Variants in SRCIN1 observed in about 807,000 individuals in gnomAD.
SRCIN1 encodes the protein P130Cas-associated protein.
In SRCIN1, 50 loss-of-function variants were observed where a neutral mutation model predicts 116.2. That is an observed-to-expected ratio of 0.43 (90% CI 0.34 to 0.54). The LOEUF (loss-of-function observed/expected upper bound fraction) is 0.54, where lower values mean the gene tolerates loss of function less well. SRCIN1 is among the 20% of genes least tolerant of loss of function. SRCIN1 has a pLI of 0.02. For missense variants in SRCIN1, 1,446 were observed against 1,672.0 expected (o/e 0.86, Z 2.36); for synonymous variants, 736 against 750.0 (o/e 0.98, Z 0.30).
At chr17:38,557,089 G>A (rs939494124) in intron 11 of SRCIN1, among the ~76,000 whole-genome samples, 3 of 152,146 alleles carry the variant, frequency 2.0e-5, no homozygotes, top group Admixed American at 2.0e-4. Context: ...GTGATGGGGT[G>A]GCCCCTTACC....
At chr17:38,590,084 A>G (rs1488800475) in intron 1 of SRCIN1, among the ~76,000 whole-genome samples, 1 of 152,186 alleles carries the variant, frequency 6.6e-6, no homozygotes, top group African/African-American at 2.4e-5. Context: ...ACAGGCTTCA[A>G]GGCAAGGAAA....
rs781531995 is a variant in SRCIN1, at chr17:38,564,282, T to A, written c.377A>T (p.Gln126Leu). Residue 126 changes from glutamine to leucine, a missense_variant, in exon 4 of 19, where the codon CAG becomes CTG. Around this residue, in one of 5 missense-constraint regions of SRCIN1, gnomAD observed 246 missense variants for 265.1 expected, o/e 0.93. Coordinates refer to ENST00000617146, the MANE Select transcript of SRCIN1 (RefSeq NM_025248.3). The part of the protein sequence containing the change: ...TRSSRHTQGA[Q>L]PGLADQAAKL... ...TGCCGCCTGGTCTGCCAGCCCGGGC[T>A]GGGCTCCCTGAGTGTGGCGTGAGCT... The A allele has an allele frequency of 6.4e-7, 1 of 1,569,262 alleles. No homozygotes were observed.
chr17:38,564,406 TGCCA>T, intron 3 of SRCIN1, 93 bp from the exon 4 acceptor site: 1 of 1,337,102 alleles, frequency 7.5e-7, no homozygotes, highest in Middle Eastern at 2.6e-4. Context: ...GGGAAGGTCC[TGCCA>T]GCCAGCGACA....
intron 18 of SRCIN1, among the ~76,000 whole-genome samples, chr17:38,535,532 C>T (rs923410156): frequency 1.3e-5 from 2 of 152,146 alleles, no homozygotes; most frequent in African/African-American, 4.8e-5. Flanking sequence ...AACCCCTCTC[C>T]TCTGCTCATC....
intron 14 of SRCIN1, 23 bp downstream of exon 14, chr17:38,551,863 C>A (rs1464198175): frequency 1.2e-6 from 2 of 1,612,940 alleles, no homozygotes; most frequent in African/African-American, 1.3e-5. Flanking sequence ...CATGGCCCCA[C>A]CCACAATCCC....
chr17:38,560,097 G>C lies in SRCIN1; in HGVS notation c.1794C>G (p.Ser598Arg). 3 of 1,549,994 alleles carry C rather than the reference G, an allele frequency of 1.9e-6. No homozygotes were observed. Among genetic ancestry groups the C allele is most frequent in the South Asian group, 1.2e-5 (1 of 83,454 alleles). Residue 598 changes from serine (S) to arginine (R), a missense_variant and splice_region_variant, in exon 9 of 19, where the codon AGC becomes AGG. Physicochemically the swap from Ser to Arg is moderately radical, Grantham distance 110 (BLOSUM62 -1). Transcript: ENST00000617146. ...CTCCATTGGAGCCTTCAATCTTCTC[G>C]CTGTGGCACAGGGAAAAAAGCCATC... ...LLRGSEPETPSEKIEGSNGAA... is the reference protein window; with the variant it reads ...LLRGSEPETPREKIEGSNGAA...
At chr17:38,586,995 G>A (rs1908149308) in intron 1 of SRCIN1, among the ~76,000 whole-genome samples, 1 of 151,808 alleles carries the variant, frequency 6.6e-6, no homozygotes, top group Non-Finnish European at 1.5e-5. Flanking sequence ...CCTGCGGGTG[G>A]GCACCCGGGG....
chr17:38,549,252 T>A (rs765108007), intron 15 of SRCIN1, 42 bp from the exon 16 acceptor site: 6 of 1,484,204 alleles, frequency 4.0e-6, no homozygotes, highest in Admixed American at 4.6e-5. Flanking sequence ...GCCTGCAACC[T>A]TGGAGTCAGT....
chr17:38,551,058 T>A (rs1249341323), intron 15 of SRCIN1, 97 bp downstream of exon 15: 3 of 596,974 alleles, frequency 5.0e-6, no homozygotes, highest in East Asian at 2.8e-5. Flanking sequence ...CCAACCACAA[T>A]GATCTTGAGA....
At position 38,543,883 on chromosome 17, in the gene SRCIN1, G is replaced by C. The variant is rs191910661; in HGVS notation, c.3357C>G (p.Pro1119=). 3.3e-5 allele frequency: 53 copies of C among 1,607,446 alleles called. 1 individual carries two copies. In the Middle Eastern group the frequency reaches 6.6e-4, roughly 20 times the overall value. The change falls in exon 18 of 19, where the codon CCC becomes CCG. Residue 1119 remains proline (P), a synonymous_variant. Coordinates refer to ENST00000617146, the MANE Select transcript of SRCIN1 (RefSeq NM_025248.3). ...TCTGCTTGCCATGTTTGCTTTTGTC[G>C]GGGCTGCCCGCCTGGCCCTGGGCCG... ...LKAAQGQAGS[P]DKSKHGKQRA... is the part of the protein sequence containing the mutation.
At chr17:38,548,783 C>T (rs1567855738) in intron 16 of SRCIN1, 74 bp from the exon 17 acceptor site, 21 of 1,455,520 alleles carry the variant, frequency 1.4e-5, no homozygotes, top group South Asian at 1.1e-4. Flanking sequence ...CAGGCCCCAT[C>T]GCCCATGTAC....
intron 18 of SRCIN1, among the ~76,000 whole-genome samples, chr17:38,540,714 C>T (rs901826147): frequency 1.3e-5 from 2 of 150,720 alleles, no homozygotes; most frequent in African/African-American, 2.5e-5. Context: ...TGCCAGGGGC[C>T]GGGGCAGGGA....
intron 3 of SRCIN1, among the ~76,000 whole-genome samples, chr17:38,565,497 T>C (rs1299580419): frequency 6.6e-6 from 1 of 152,216 alleles, no homozygotes; most frequent in Admixed American, 6.5e-5. Flanking sequence ...AGTTTTCTTT[T>C]TTCACTTTAT....
At chr17:38,577,319 C>T (rs955358521) in intron 2 of SRCIN1, among the ~76,000 whole-genome samples, 6 of 152,306 alleles carry the variant, frequency 3.9e-5, no homozygotes, top group Non-Finnish European at 8.8e-5. Context: ...TTGAGGGTGA[C>T]GGCAACATCT....
rs747049406 is a variant in SRCIN1, at chr17:38,563,441, C to T, written c.622G>A (p.Ala208Thr). ...TGCGGGAACATGTGCGCGATGAGTG[C>T]GTGCAGCGTGTCCAGGCTGCTGACC... ...HEVSSLDTLHALIAHMFPQKL... is the reference protein window; with the variant it reads ...HEVSSLDTLHTLIAHMFPQKL... The change falls in exon 5 of 19, where the codon GCA becomes ACA. Residue 208 changes from alanine (A) to threonine (T), a missense_variant. Ala to Thr is a moderately conservative substitution (Grantham distance 58). Around this residue, in one of 5 missense-constraint regions of SRCIN1, gnomAD observed 32 missense variants for 69.7 expected, o/e 0.46. Transcript: ENST00000617146. This position sits in a 1 kb window ranked among gnomAD's most constrained non-coding sequence, Gnocchi z 5.8. 1 of 1,562,224 alleles carries T rather than the reference C, an allele frequency of 6.4e-7. No individual in the cohort carries two copies. The highest frequency in any genetic ancestry group is 1.9e-5 in the Admixed American group (1 of 52,648).
chr17:38,603,201 G>A (rs964077157), intron 1 of SRCIN1, among the ~76,000 whole-genome samples: 1 of 152,068 alleles, frequency 6.6e-6, no homozygotes, highest in Non-Finnish European at 1.5e-5. Flanking sequence ...GGGAAGGGAG[G>A]GGGGAGAGGG....
At chr17:38,579,647 AGACGTACAGGG>A (rs1907666581) in intron 1 of SRCIN1, among the ~76,000 whole-genome samples, 1 of 152,158 alleles carries the variant, frequency 6.6e-6, no homozygotes, top group African/African-American at 2.4e-5. Context: ...GACCCATAAG[AGACGTACAGGG>A]GACAAAGGAC....
At position 38,558,758 on chromosome 17, in the gene SRCIN1, T is replaced by C. The variant is rs1324440815; in HGVS notation, c.2026-356A>G. Among the ~76,000 whole-genome samples the C allele has an allele frequency of 2.6e-5, 4 of 151,808 alleles. No homozygotes were observed. Among genetic ancestry groups the C allele is most frequent in the African/African-American group, 9.7e-5 (4 of 41,258 alleles). ...GGGGGAGGAGGGCAAGGTTAAGTTC[T>C]GGGGAATATGAGGCAGGAGAAGGGG... On this transcript the variant is annotated intron_variant, in intron 10 of 18. Coordinates refer to ENST00000617146, the MANE Select transcript of SRCIN1 (RefSeq NM_025248.3). This position sits in a 1 kb window ranked among gnomAD's most constrained non-coding sequence, Gnocchi z 4.6.
intron 1 of SRCIN1, among the ~76,000 whole-genome samples, chr17:38,600,624 G>A (rs1470188724): frequency 6.6e-6 from 1 of 152,238 alleles, no homozygotes; most frequent in Non-Finnish European, 1.5e-5. Context: ...GAGGAGCTCT[G>A]ACACCTGGCT....
Sources: gnomAD v4.1 joint callset for allele counts (sites outside exome capture counted in the v4.1 genomes callset) on GRCh38, gnomAD v4.1.1 for gene constraint, gnomAD v4.1.1 regional missense constraint, Gnocchi (gnomAD v3.1) non-coding constraint, MANE v1.5 for transcripts, NCBI Gene and HGNC (gene_info 2026-07-23, HGNC 2026-07-21) for gene names.